Variants in ZNF735 observed in about 807,000 individuals in gnomAD.
The protein encoded by ZNF735 is zinc finger protein 735, also known as putative zinc finger protein 735.
ZNF735 carries 11 observed loss-of-function variants against 13.4 expected under a neutral mutation model. The ratio of observed to expected loss-of-function variants is 0.82; its 90% CI spans 0.52 to 1.36. The LOEUF is 1.36. ZNF735 is among the 40% of genes most tolerant of loss of function. The probability of loss-of-function intolerance (pLI) is 0.00; values close to 1 mark genes in which losing one functional copy is unlikely to be tolerated. For synonymous variants in ZNF735, 171 were observed against 162.6 expected (o/e 1.05, Z -0.39); for missense variants, 500 against 484.6 (o/e 1.03, Z -0.30).
At chr7:64,219,815 A>C (rs2116490293) in exon 4 of ZNF735, 1 of 1,612,042 alleles carries the variant, frequency 6.2e-7, no homozygotes, top group Admixed American at 1.7e-5. Flanking sequence ...TGGCCCTCAA[A>C]CCTTACTAGA....
At chr7:64,214,043 C>A in exon 3 of ZNF735, 2 of 1,599,716 alleles carry the variant, frequency 1.3e-6, no homozygotes, top group Non-Finnish European at 8.5e-7. Flanking sequence ...GACTTGATCG[C>A]CTGTCTGGAG....
At chr7:64,209,060 C>A (rs1428635308) in intron 1 of ZNF735, among the ~76,000 whole-genome samples, 1 of 152,128 alleles carries the variant, frequency 6.6e-6, no homozygotes, top group East Asian at 1.9e-4. Context: ...GGTAGAATAA[C>A]TTACATTTAT....
At chr7:64,209,871 T>A (rs1284169220) in intron 1 of ZNF735, among the ~76,000 whole-genome samples, 2 of 152,214 alleles carry the variant, frequency 1.3e-5, no homozygotes, top group Non-Finnish European at 2.9e-5. Flanking sequence ...AATCTCTAAT[T>A]AGTTTCAAAA....
rs987107396 is a variant in ZNF735, at chr7:64,210,957, T to G, written c.40-2135T>G. Among the ~76,000 whole-genome samples, 197 of 152,202 alleles carry G rather than the reference T, an allele frequency of 1.3e-3. 1 individual carries two copies. The highest frequency in any genetic ancestry group is 2.2e-3 in the Non-Finnish European group (151 of 68,008). ...GAGAAAGAGGAGGAAAAGAAAAAAA[T>G]CACTTTTTCTCAGGTGAGCATGTTT... is the stretch of plus-strand genomic sequence containing the variant. On this transcript the variant is annotated intron_variant, in intron 1 of 3. Transcript: ENST00000429565.
chr7:64,220,247 A>G, exon 4 of ZNF735: 1 of 1,612,536 alleles, frequency 6.2e-7, no homozygotes, highest in Non-Finnish European at 8.5e-7. Flanking sequence ...CTTGCTAAAC[A>G]TAAGATAATT....
In ZNF735 at chr7:64,218,983, A is replaced by C. The variant is rs543946953; in HGVS notation, c.263-331A>C. Reference sequence around the variant, plus strand: ...TGTAACACTCACTTTTGATCTCAGAAAACTTAAAGCTGTCATTAAAGGCAC... The same window carrying C: ...TGTAACACTCACTTTTGATCTCAGACAACTTAAAGCTGTCATTAAAGGCAC... On this transcript the variant is annotated intron_variant, in intron 3 of 3. Coordinates refer to ENST00000429565, the Ensembl canonical transcript of ZNF735. Among the ~76,000 whole-genome samples the C allele has an allele frequency of 7.9e-5, 12 of 152,050 alleles. No individual in the cohort carries two copies. The South Asian group carries it at 2.3e-3, about 29-fold the overall frequency.
At chr7:64,210,141 C>A (rs544480596) in intron 1 of ZNF735, among the ~76,000 whole-genome samples, 7 of 152,292 alleles carry the variant, frequency 4.6e-5, no homozygotes, top group African/African-American at 1.7e-4. Context: ...GTGTTATTCC[C>A]AGCACAGTGT....
At chr7:64,215,554 TTCTTC>T (rs1292101456) in intron 3 of ZNF735, among the ~76,000 whole-genome samples, 2 of 152,228 alleles carry the variant, frequency 1.3e-5, no homozygotes, top group Non-Finnish European at 2.9e-5. Context: ...AATTTTCCTG[TTCTTC>T]TCTTTGTTGC....
intron 1 of ZNF735, among the ~76,000 whole-genome samples, chr7:64,208,627 C>G (rs916870209): frequency 2.0e-5 from 3 of 151,840 alleles, no homozygotes; most frequent in Admixed American, 6.6e-5. Flanking sequence ...TAGGTAAAAT[C>G]ATATCATGAA....
intron 1 of ZNF735, among the ~76,000 whole-genome samples, chr7:64,212,130 G>A (rs1348253713): frequency 6.6e-6 from 1 of 151,986 alleles, no homozygotes; most frequent in African/African-American, 2.4e-5. Flanking sequence ...TTTACTAGCC[G>A]AAGTGCATAA....
intron 3 of ZNF735, 42 bp downstream of exon 3, chr7:64,214,150 C>T (rs753448019): frequency 1.6e-5 from 26 of 1,586,398 alleles, no homozygotes; most frequent in Non-Finnish European, 2.1e-5. Flanking sequence ...GATGAGATGT[C>T]CACAAGTCAA....
At chr7:64,213,369 A>C (rs535751096) in intron 2 of ZNF735, among the ~76,000 whole-genome samples, 151 bp downstream of exon 2, 14 of 152,164 alleles carry the variant, frequency 9.2e-5, no homozygotes, top group African/African-American at 3.1e-4. Flanking sequence ...AAATTCTTCA[A>C]GATGTTTTAT....
At chr7:64,213,414 T>C (rs1452467223) in intron 2 of ZNF735, among the ~76,000 whole-genome samples, 196 bp downstream of exon 2, 4 of 152,212 alleles carry the variant, frequency 2.6e-5, no homozygotes, top group Non-Finnish European at 5.9e-5. Flanking sequence ...TGAGCTTATG[T>C]ATCTTTTGCT....
chr7:64,207,388 C>T (rs1384647984), intron 1 of ZNF735, 147 bp downstream of exon 1: 4 of 1,479,922 alleles, frequency 2.7e-6, no homozygotes, highest in Admixed American at 1.9e-5. Context: ...GCTGTTAGCC[C>T]CCTCCAGCCC....
At chr7:64,208,244 GTTTTTTTTTTTTTTTTTT>G (rs71060562) in intron 1 of ZNF735, among the ~76,000 whole-genome samples, 19 of 93,078 alleles carry the variant, frequency 2.0e-4, no homozygotes, top group Non-Finnish European at 3.0e-4. Context: ...TCCAATAAAT[GTTTTTTTTTTTTTTTTTT>G]TTTTTTTTTT....
At chr7:64,213,215 C>T (rs985608339) in exon 2 of ZNF735, 1 of 1,598,436 alleles carries the variant, frequency 6.3e-7, no homozygotes, top group African/African-American at 1.4e-5. Context: ...CCTGTTCTCC[C>T]TGGGTGAGGT....
intron 2 of ZNF735, 132 bp downstream of exon 2, chr7:64,213,350 G>A (rs1787382988): frequency 2.2e-6 from 2 of 913,870 alleles, no homozygotes; most frequent in South Asian, 2.0e-5. Flanking sequence ...GGATTCATTG[G>A]TGTAGATTAA....
At chr7:64,213,804 C>T (rs1265830014) in intron 2 of ZNF735, among the ~76,000 whole-genome samples, 1 of 151,956 alleles carries the variant, frequency 6.6e-6, no homozygotes, top group Admixed American at 6.6e-5. Context: ...ACTAAAAATA[C>T]AAAAATTAGC....
At chr7:64,218,105 C>T (rs187319737) in intron 3 of ZNF735, among the ~76,000 whole-genome samples, 3 of 152,126 alleles carry the variant, frequency 2.0e-5, no homozygotes, top group East Asian at 3.9e-4. Context: ...TTATTTAGGG[C>T]ACATGCAGTG....
Sources: gnomAD v4.1 joint callset for allele counts (sites outside exome capture counted in the v4.1 genomes callset) on GRCh38, gnomAD v4.1.1 for gene constraint, MANE v1.5 for transcripts, NCBI Gene and HGNC (gene_info 2026-07-23, HGNC 2026-07-21) for gene names.